VCP: variants seen among roughly 807,000 people sequenced by gnomAD.
The protein encoded by VCP is transitional endoplasmic reticulum ATPase.
A neutral mutation model predicts 85.7 loss-of-function variants in VCP; 6 were observed. The observed-to-expected ratio is 0.07, with a 90% confidence interval of 0.04 to 0.14. The LOEUF (loss-of-function observed/expected upper bound fraction) is 0.14. Ranked by LOEUF, VCP falls within the 10% of genes least tolerant of loss-of-function variation. The pLI is 1.00. For synonymous variants in VCP, 384 were observed against 367.1 expected, an observed-to-expected ratio of 1.05 and a Z score of -0.53; for missense variants, 353 against 1,043.4, an observed-to-expected ratio of 0.34 and a Z score of 9.12.
chr9:35,063,438 T>C (rs1828765558), intron 6 of VCP, among the ~76,000 whole-genome samples: 1 of 152,172 alleles, frequency 6.6e-6, no homozygotes, highest in Non-Finnish European at 1.5e-5. Flanking sequence ...AGCTAAGCCA[T>C]TTAAGAGAGC....
At position 35,060,403 on chromosome 9, in the gene VCP, G is replaced by A. The variant is rs758279219; in HGVS notation, c.1605C>T (p.Cys535=). 7 of 1,614,238 alleles carry A rather than the reference G, an allele frequency of 4.3e-6. No individual in the cohort carries two copies. In the South Asian group the frequency reaches 6.6e-5, roughly 15 times the overall value. ...TLLAKAIANE[C]QANFISIKGP... Reference sequence around the variant, plus strand: ...CCTTGATGGAGATGAAGTTGGCCTGGCATTCATTAGCAATGGCTTTGGCCA... The same window carrying A: ...CCTTGATGGAGATGAAGTTGGCCTGACATTCATTAGCAATGGCTTTGGCCA... Residue 535 remains cysteine (C), a synonymous_variant, in exon 13 of 17, where the codon TGC becomes TGT. Coordinates refer to ENST00000358901, the MANE Select transcript of VCP (RefSeq NM_007126.5).
intron 15 of VCP, among the ~76,000 whole-genome samples, chr9:35,058,341 G>A (rs534082957): frequency 1.9e-3 from 291 of 152,290 alleles, no homozygotes; most frequent in African/African-American, 6.5e-3. Flanking sequence ...AGACATAGTG[G>A]AAAACAAGTG....
Position 35,068,024 on chromosome 9 carries a change from C to T in VCP, c.169G>A (p.Val57Met). The T allele has an allele frequency of 6.2e-7, 1 of 1,614,258 alleles. No individual in the cohort carries two copies. The highest frequency in any genetic ancestry group is 8.5e-7 in the Non-Finnish European group (1 of 1,180,044). ...DELQLFRGDT[V>M]LLKGKKRREA... ...CGTCTCTTCTTTCCTTTCAGCAACACTGTGTCACCTCGGAACAACTGCAAT... is the reference window on the plus strand; with the variant it reads ...CGTCTCTTCTTTCCTTTCAGCAACATTGTGTCACCTCGGAACAACTGCAAT... Residue 57 changes from valine to methionine, a missense_variant, in exon 3 of 17, where the codon GTG becomes ATG. By Grantham distance (21) the Val-to-Met change is conservative. Around this residue, in one of 8 missense-constraint regions of VCP, gnomAD observed 69 missense variants for 132.9 expected, o/e 0.52. Coordinates refer to ENST00000358901, the MANE Select transcript of VCP (RefSeq NM_007126.5).
intron 1 of VCP, among the ~76,000 whole-genome samples, chr9:35,070,563 G>A (rs1210261594): frequency 6.6e-6 from 1 of 152,086 alleles, no homozygotes; most frequent in Non-Finnish European, 1.5e-5. Context: ...CCTCCAGAGT[G>A]GCTGGGACTA....
At chr9:35,066,894 C>T (rs1587129069) in intron 3 of VCP, 77 bp from the exon 4 acceptor site, 2 of 1,607,478 alleles carry the variant, frequency 1.2e-6, no homozygotes, top group African/African-American at 1.3e-5. Flanking sequence ...GGGCCTGGCA[C>T]AGATAGCTGA....
intron 1 of VCP, among the ~76,000 whole-genome samples, chr9:35,069,420 C>A (rs1828894938): frequency 6.8e-6 from 1 of 147,602 alleles, no homozygotes; most frequent in East Asian, 2.0e-4. Flanking sequence ...CTGTCACTTA[C>A]TAGACTCAGC....
intron 15 of VCP, 131 bp from the exon 16 acceptor site, chr9:35,057,661 T>C: frequency 7.9e-7 from 1 of 1,269,742 alleles, no homozygotes; most frequent in Non-Finnish European, 1.1e-6. Context: ...TGCTAGGCCA[T>C]GCTTCCTAAA....
rs1002801246 is a variant in VCP at position 35,065,191 on chromosome 9, C to T, written c.576+60G>A. 3.7e-5 allele frequency: 60 copies of T among 1,612,212 alleles called. 1 individual carries two copies. The highest frequency in any genetic ancestry group is 2.5e-6 in the Non-Finnish European group (3 of 1,179,504). ...CCGAGCACCCAGTCCTGACAGTTACCACATGATGCCACACTGAGTAATCAT... is the reference window on the plus strand; with the variant it reads ...CCGAGCACCCAGTCCTGACAGTTACTACATGATGCCACACTGAGTAATCAT... On this transcript the variant is annotated intron_variant, in intron 5 of 16. Coordinates refer to ENST00000358901, the MANE Select transcript of VCP (RefSeq NM_007126.5).
At chr9:35,071,824 C>T in intron 1 of VCP, 1 of 989,594 alleles carries the variant, frequency 1.0e-6, no homozygotes, top group Non-Finnish European at 1.2e-6. Context: ...GGGCCTTCCC[C>T]GACCCCGGGC....
chr9:35,069,444 CTTTTTTT>C (rs35498216), intron 1 of VCP, among the ~76,000 whole-genome samples: 12 of 96,112 alleles, frequency 1.2e-4, no homozygotes, highest in African/African-American at 3.5e-4. Context: ...CTCCCTCTCC[CTTTTTTT>C]TTTTTTTTTT....
chr9:35,067,450 G>A (rs1418867059), intron 3 of VCP, among the ~76,000 whole-genome samples: 2 of 152,004 alleles, frequency 1.3e-5, no homozygotes, highest in Non-Finnish European at 2.9e-5. Context: ...TAACTTAGGG[G>A]CTTAAAAGAC....
intron 10 of VCP, 54 bp from the exon 11 acceptor site, chr9:35,061,233 A>T: frequency 6.2e-7 from 1 of 1,609,868 alleles, no homozygotes; most frequent in East Asian, 2.2e-5. Context: ...CTGCTGCAGG[A>T]GGCTCAGAGA....
At chr9:35,057,263 G>A (rs774000000) in intron 16 of VCP, 41 bp from the exon 17 acceptor site, 2 of 1,613,758 alleles carry the variant, frequency 1.2e-6, no homozygotes, top group Non-Finnish European at 1.7e-6. Flanking sequence ...GTTAGGACAG[G>A]GCCTGTGTAA....
rs1828599870 is a variant in VCP at position 35,056,171 on chromosome 9, A to G, written c.*946T>C. On this transcript the variant is annotated 3_prime_UTR_variant, in exon 17 of 17. Transcript: ENST00000358901. ...GGGGATGTTTGGGATTTTTAGATGC[A>G]TTAAAAGAGAGTATAGAGAATATCC... is the stretch of plus-strand genomic sequence containing the variant. 6.6e-6 allele frequency: 1 copy of G among 152,122 alleles called. No homozygotes were observed. The highest frequency in any genetic ancestry group is 1.5e-5 in the Non-Finnish European group (1 of 68,022). The allele number at this position is 152,122 out of a possible 1,614,324, so 9.4% of individuals were successfully genotyped here.
Position 35,056,564 on chromosome 9 carries a change from C to G in VCP, c.*553G>C, listed in dbSNP as rs1412198562. 1.2e-5 allele frequency: 2 copies of G among 170,092 alleles called. No homozygotes were observed. The highest frequency in any genetic ancestry group is 2.4e-5 in the African/African-American group (1 of 41,796). 10.5% of individuals were successfully genotyped at this position (170,092 alleles called of 1,614,324 possible). A position where few individuals can be genotyped will look rare whatever the true frequency, so the allele number is the denominator to read the frequency against. On this transcript the variant is annotated 3_prime_UTR_variant, in exon 17 of 17. Transcript: ENST00000358901. ...AGGCACAGGGCCCAGGACTCAGGCT[C>G]CATTTTGACCCAACGTTTATTGTCC...
At chr9:35,058,041 G>T (rs1190512015) in intron 15 of VCP, among the ~76,000 whole-genome samples, 5 of 152,142 alleles carry the variant, frequency 3.3e-5, no homozygotes, top group African/African-American at 1.2e-4. Context: ...AATCTACCCA[G>T]GGTTTCCCAA....
intron 1 of VCP, chr9:35,072,109 T>A: frequency 7.4e-7 from 1 of 1,350,754 alleles, no homozygotes; most frequent in Non-Finnish European, 9.4e-7. Flanking sequence ...CGGCCCAGGC[T>A]CCGACCCGGA....
intron 7 of VCP, 66 bp from the exon 8 acceptor site, chr9:35,062,416 G>A (rs1828744525): frequency 5.6e-6 from 9 of 1,611,638 alleles, no homozygotes; most frequent in Non-Finnish European, 7.6e-6. Context: ...CCAAAAATCA[G>A]TTATCTTGCT....
chr9:35,068,566 T>C (rs1828879551), intron 1 of VCP, among the ~76,000 whole-genome samples: 1 of 152,216 alleles, frequency 6.6e-6, no homozygotes. Flanking sequence ...CCTGGTATTT[T>C]GAGCGTCAGT....
Sources: gnomAD v4.1 joint callset for allele counts (sites outside exome capture counted in the v4.1 genomes callset) on GRCh38, gnomAD v4.1.1 for gene constraint, gnomAD v4.1.1 regional missense constraint, MANE v1.5 for transcripts, NCBI Gene and HGNC (gene_info 2026-07-23, HGNC 2026-07-21) for gene names.